The following STOX2 variants were observed in gnomAD, a reference collection of about 807,000 sequenced individuals.
The protein encoded by STOX2 is storkhead box 2, also known as storkhead-box protein 2.
Under a neutral mutation model 60.9 loss-of-function variants are expected in STOX2, and 28 were observed. The ratio of observed to expected loss-of-function variants is 0.46; its 90% CI spans 0.34 to 0.63. The LOEUF is 0.63. Among genes scored for constraint, STOX2 ranks in the 30% least tolerant of loss-of-function variants. The pLI is 0.01. For synonymous variants in STOX2, 472 were observed against 463.9 expected (o/e 1.02, Z -0.22); for missense variants, 1,024 against 1,187.7 (o/e 0.86, Z 2.03).
intron 1 of STOX2, among the ~76,000 whole-genome samples, chr4:183,987,142 C>G (rs1732877001): frequency 1.3e-5 from 2 of 152,108 alleles, no homozygotes; most frequent in South Asian, 4.1e-4. Flanking sequence ...TGGGAGAGTT[C>G]GGCAGTACCA....
At chr4:183,909,701 G>A (rs1741724099) in intron 1 of STOX2, among the ~76,000 whole-genome samples, 2 of 152,092 alleles carry the variant, frequency 1.3e-5, no homozygotes, top group Admixed American at 1.3e-4. Context: ...TTTCCTTTTG[G>A]TCTAGCATCC....
In STOX2 at chr4:184,006,884, C is replaced by T. The variant is rs192889160; in HGVS notation, c.320-2274C>T. ...ACAAAAAATTAGCTGGGCGTAGTGG[C>T]GGGCGCCTGTAGTCCCAGCTACTTG... On this transcript the variant is annotated intron_variant, in intron 2 of 3. Coordinates refer to ENST00000308497, the MANE Select transcript of STOX2 (RefSeq NM_020225.3). 7.7e-3 allele frequency among the ~76,000 whole-genome samples: 1,144 copies of T among 147,792 alleles called. 5 individuals are homozygous for T. The highest frequency in any genetic ancestry group is 0.021 in the Middle Eastern group (6 of 284).
At chr4:183,822,921 C>T (rs557062921) in intron 1 of STOX2, among the ~76,000 whole-genome samples, 149 of 152,336 alleles carry the variant, frequency 9.8e-4, no homozygotes, top group East Asian at 5.8e-4. Flanking sequence ...GAGACCTCAG[C>T]CCAGGTCTGC....
rs1741624082 is a variant in STOX2 at position 183,906,725 on chromosome 4, G to A, written c.-66G>A. ...CGGGTCGTGCCCGCCGTAGACGGATGAAGGAGCGCGCTGCGCCCCGGCGCT... is the reference window on the plus strand; with the variant it reads ...CGGGTCGTGCCCGCCGTAGACGGATAAAGGAGCGCGCTGCGCCCCGGCGCT... On this transcript the variant is annotated 5_prime_UTR_variant, in exon 1 of 4. The change abolishes an upstream ATG in the 5' untranslated region. Coordinates refer to ENST00000308497, the MANE Select transcript of STOX2 (RefSeq NM_020225.3). 1 of 1,429,538 alleles carries A rather than the reference G, an allele frequency of 7.0e-7. No homozygotes were observed. Among genetic ancestry groups the A allele is most frequent in the African/African-American group, 1.5e-5 (1 of 68,336 alleles). The allele number at this position is 1,429,538 out of a possible 1,614,324, so 88.6% of individuals were successfully genotyped here. A position where few individuals can be genotyped will look rare whatever the true frequency, so the allele number is the denominator to read the frequency against.
intron 1 of STOX2, among the ~76,000 whole-genome samples, chr4:183,863,478 C>G (rs1019072439): frequency 6.6e-6 from 1 of 152,196 alleles, no homozygotes; most frequent in African/African-American, 2.4e-5. Context: ...TAAAGCACTT[C>G]CATATGCGTA....
chr4:183,991,573 A>G (rs2111205367), intron 1 of STOX2, among the ~76,000 whole-genome samples: 1 of 152,114 alleles, frequency 6.6e-6, no homozygotes, highest in East Asian at 1.9e-4. Flanking sequence ...GATTACAGGC[A>G]TCTGCCACCA....
At chr4:183,876,270 T>A (rs1207016644) in intron 1 of STOX2, among the ~76,000 whole-genome samples, 4 of 152,152 alleles carry the variant, frequency 2.6e-5, no homozygotes, top group Non-Finnish European at 5.9e-5. Context: ...CTTGGCCAGG[T>A]CCCAAGCTCT....
At chr4:183,845,183 G>A (rs755882559) in intron 1 of STOX2, among the ~76,000 whole-genome samples, 1 of 152,164 alleles carries the variant, frequency 6.6e-6, no homozygotes, top group South Asian at 2.1e-4. Flanking sequence ...AGCTAAAGTG[G>A]TACAGGAGTC....
At position 183,841,836 on chromosome 4, in the gene STOX2, G is replaced by A. The variant is rs149626304; in HGVS notation, c.364+43781G>A. Among the ~76,000 whole-genome samples the A allele has an allele frequency of 1.6e-3, 236 of 152,214 alleles. 6 individuals are homozygous for A. The East Asian group carries it at 0.034, about 22-fold the overall frequency. On this transcript the variant is annotated intron_variant, in intron 1 of 2. Coordinates refer to the STOX2 transcript ENST00000513034. The stretch of plus-strand genomic sequence containing the variant: ...ATAATCAAGATATTGGAAAATAGTG[G>A]GTAAGGTAAATGCTTATGGTGGGAA...
chr4:183,837,544 T>G (rs1201846243), intron 1 of STOX2, among the ~76,000 whole-genome samples: 1 of 152,042 alleles, frequency 6.6e-6, no homozygotes, highest in African/African-American at 2.4e-5. Flanking sequence ...CTGCAACTTC[T>G]GCCTCTCGGG....
intron 1 of STOX2, among the ~76,000 whole-genome samples, chr4:183,932,706 C>T (rs529078968): frequency 6.9e-6 from 1 of 145,482 alleles, no homozygotes; most frequent in Admixed American, 7.1e-5. Flanking sequence ...ATGAACTGTT[C>T]TGAGCCTTGT....
rs373075479 is a variant in STOX2 at position 183,828,038 on chromosome 4, T to TA, written c.364+29984dup. 1.1e-3 allele frequency among the ~76,000 whole-genome samples: 166 copies of TA among 152,368 alleles called. 1 individual carries two copies. The highest frequency in any genetic ancestry group is 3.7e-3 in the African/African-American group (152 of 41,570). ...TCTGATGTTTGCATAAACATTTTTT[T>TA]ACAGTTCATTTGTTCAAATCAGGAT... On this transcript the variant is annotated intron_variant, in intron 1 of 2. Transcript: ENST00000513034.
At chr4:183,907,686 C>T (rs1015187582) in intron 1 of STOX2, among the ~76,000 whole-genome samples, 3 of 152,212 alleles carry the variant, frequency 2.0e-5, no homozygotes, top group Non-Finnish European at 4.4e-5. Flanking sequence ...TGTGAAAAGC[C>T]TTCCTGAAGG....
chr4:183,949,608 G>T (rs1743009260), intron 1 of STOX2, among the ~76,000 whole-genome samples: 2 of 152,188 alleles, frequency 1.3e-5, no homozygotes, highest in South Asian at 4.1e-4. Flanking sequence ...TGAGGCAGGA[G>T]AATCGCTTGA....
chr4:183,977,147 A>C (rs182324213), intron 1 of STOX2, among the ~76,000 whole-genome samples: 1 of 152,184 alleles, frequency 6.6e-6, no homozygotes, highest in African/African-American at 2.4e-5. Context: ...AACAGTGTAC[A>C]TTGTACCCAA....
chr4:183,822,585 A>C (rs948473697), intron 1 of STOX2, among the ~76,000 whole-genome samples: 2 of 152,174 alleles, frequency 1.3e-5, no homozygotes, highest in Non-Finnish European at 2.9e-5. Context: ...CGCAGTTCAC[A>C]AAAGGGTTCA....
intron 1 of STOX2, among the ~76,000 whole-genome samples, chr4:183,823,202 C>T (rs1400292865): frequency 6.6e-6 from 1 of 152,180 alleles, no homozygotes; most frequent in Non-Finnish European, 1.5e-5. Flanking sequence ...TCAAGACCAG[C>T]CTGGCCAACA....
intron 1 of STOX2, among the ~76,000 whole-genome samples, chr4:183,800,123 T>C (rs1398314501): frequency 2.0e-5 from 3 of 152,252 alleles, no homozygotes; most frequent in African/African-American, 7.2e-5. Context: ...GTAATGACGG[T>C]AAAATGCTGA....
chr4:183,886,324 G>GAGGGTGAAGGTTCAGATGGTT (rs1276420829), intron 1 of STOX2, among the ~76,000 whole-genome samples: 53 of 148,556 alleles, frequency 3.6e-4, no homozygotes, highest in Admixed American at 6.8e-4. Context: ...GCAAGATCAG[G>GAGGGTGAAGGTTCAGATGGTT]GTCACTAGGA....
Sources: gnomAD v4.1 joint callset for allele counts (sites outside exome capture counted in the v4.1 genomes callset) on GRCh38, gnomAD v4.1.1 for gene constraint, MANE v1.5 for transcripts, NCBI Gene and HGNC (gene_info 2026-07-23, HGNC 2026-07-21) for gene names.